Variants in TFDP1 observed in about 807,000 individuals in gnomAD.
TFDP1 encodes transcription factor Dp-1.
A neutral mutation model predicts 48.0 loss-of-function variants in TFDP1; 6 were observed. That is an observed-to-expected ratio of 0.13 (90% CI 0.07 to 0.25). The LOEUF (loss-of-function observed/expected upper bound fraction) is 0.25, where lower values mean the gene tolerates loss of function less well. Among genes scored for constraint, TFDP1 ranks in the 10% least tolerant of loss-of-function variants. The pLI, the probability that TFDP1 is intolerant of heterozygous loss-of-function variation, is 1.00. For synonymous variants in TFDP1, 201 were observed against 211.6 expected (o/e 0.95, Z 0.44); for missense variants, 335 against 543.0 (o/e 0.62, Z 3.81).
At chr13:113,610,353 C>T (rs573767343) in intron 2 of TFDP1, among the ~76,000 whole-genome samples, 201 of 151,814 alleles carry the variant, frequency 1.3e-3, no homozygotes, top group African/African-American at 4.4e-3. Context: ...GTGCCCCCAC[C>T]GTGTGCTGTA....
At position 113,623,035 on chromosome 13, in the gene TFDP1, C is replaced by A; in HGVS notation, c.80-145C>A. Reference sequence around the variant, plus strand: ...GGAATCAAGCTTCATGGAGGTGTTGCTCTTGAGCCCTGGATTTGAGACAGT... The same window carrying A: ...GGAATCAAGCTTCATGGAGGTGTTGATCTTGAGCCCTGGATTTGAGACAGT... On this transcript the variant is annotated intron_variant, in intron 3 of 11. Transcript: ENST00000375370. This position sits in a 1 kb window ranked among gnomAD's most constrained non-coding sequence, Gnocchi z 5.2. 1 of 720,736 alleles carries A rather than the reference C, an allele frequency of 1.4e-6. No individual in the cohort carries two copies. The highest frequency in any genetic ancestry group is 2.3e-6 in the Non-Finnish European group (1 of 433,602). The allele number at this position is 720,736 out of a possible 1,614,324, so 44.6% of individuals were successfully genotyped here. A position where few individuals can be genotyped will look rare whatever the true frequency, so the allele number is the denominator to read the frequency against.
At chr13:113,635,891 G>T (rs1024883663) in intron 8 of TFDP1, 86 bp from the exon 9 acceptor site, 8 of 1,461,326 alleles carry the variant, frequency 5.5e-6, no homozygotes, top group Non-Finnish European at 4.6e-6. Flanking sequence ...TCACGTGGAC[G>T]CAGGGAGGGC....
chr13:113,608,973 T>TA (rs1222750622), intron 2 of TFDP1, among the ~76,000 whole-genome samples: 4 of 152,232 alleles, frequency 2.6e-5, no homozygotes, highest in Admixed American at 6.5e-5. Context: ...CCAGGACATC[T>TA]AGCGTCTCAC....
At chr13:113,635,181 C>A (rs2049452085) in intron 8 of TFDP1, among the ~76,000 whole-genome samples, 1 of 152,200 alleles carries the variant, frequency 6.6e-6, no homozygotes, top group Non-Finnish European at 1.5e-5. Context: ...GGCGGCACCA[C>A]TGGGGGCCCC....
chr13:113,637,583 G>A (rs1293815120), intron 10 of TFDP1: 1 of 1,515,208 alleles, frequency 6.6e-7, no homozygotes, highest in Non-Finnish European at 8.8e-7. Flanking sequence ...GTCAGTGTGT[G>A]CAGGTATTTA....
chr13:113,631,380 T>C (rs192239871), intron 4 of TFDP1, among the ~76,000 whole-genome samples: 35 of 152,266 alleles, frequency 2.3e-4, no homozygotes, highest in Admixed American at 2.3e-3. Flanking sequence ...TTGTTGCTTT[T>C]GTCTAATTGG....
chr13:113,595,910 G>A (rs183370351), intron 2 of TFDP1, among the ~76,000 whole-genome samples: 119 of 152,260 alleles, frequency 7.8e-4, no homozygotes, highest in African/African-American at 2.1e-3. Flanking sequence ...GTGAAACCCC[G>A]TCTCTACTAA....
intron 4 of TFDP1, among the ~76,000 whole-genome samples, chr13:113,625,360 T>C (rs77094379): frequency 4.2e-4 from 44 of 105,568 alleles, no homozygotes; most frequent in African/African-American, 1.6e-3. Flanking sequence ...GTCTCTCACG[T>C]GTCCTCAGGC....
chr13:113,602,983 A>AC (rs2048477052), intron 2 of TFDP1, among the ~76,000 whole-genome samples: 20 of 138,712 alleles, frequency 1.4e-4, no homozygotes, highest in Admixed American at 1.3e-3. Context: ...AAAAAAAAAA[A>AC]AAACGTATAA....
intron 2 of TFDP1, among the ~76,000 whole-genome samples, chr13:113,587,486 T>G (rs1396700313): frequency 2.7e-5 from 4 of 145,964 alleles, no homozygotes; most frequent in Non-Finnish European, 4.5e-5. Context: ...CTAGCTCTTT[T>G]TTTTTTTTTT....
rs540292263 is a variant in TFDP1, at chr13:113,609,166, G to A, written c.13-1830G>A. On this transcript the variant is annotated intron_variant, in intron 2 of 11. Coordinates refer to ENST00000375370, the MANE Select transcript of TFDP1 (RefSeq NM_007111.5). ...CAGAGCGCCTCCTGGGTGCAGTCAGGTTCTTGCTCCACGGCTCTTTTCCTT... is the reference window on the plus strand; with the variant it reads ...CAGAGCGCCTCCTGGGTGCAGTCAGATTCTTGCTCCACGGCTCTTTTCCTT... Among the ~76,000 whole-genome samples the A allele has an allele frequency of 4.6e-5, 7 of 152,354 alleles. No homozygotes were observed. In the East Asian group the frequency reaches 1.4e-3, roughly 29 times the overall value.
intron 2 of TFDP1, among the ~76,000 whole-genome samples, chr13:113,597,687 G>A (rs9577581): frequency 0.18 from 27,642 of 152,166 alleles, 3,549 homozygotes; most frequent in East Asian, 0.42. Flanking sequence ...AGGCTTTGAC[G>A]AAATTAGGAG....
At position 113,633,331 on chromosome 13, in the gene TFDP1, C is replaced by T. The variant is rs746503432; in HGVS notation, c.474+46C>T. 11 of 1,452,344 alleles carry T rather than the reference C, an allele frequency of 7.6e-6. No individual in the cohort carries two copies. Among genetic ancestry groups the T allele is most frequent in the Non-Finnish European group, 1.1e-5 (11 of 1,047,490 alleles). 90.0% of individuals were successfully genotyped at this position (1,452,344 alleles called of 1,614,324 possible). On this transcript the variant is annotated intron_variant, in intron 6 of 11. Transcript: ENST00000375370. The surrounding 1 kb of genome is among the most constrained non-coding windows in gnomAD (Gnocchi z 4.5). ...GAGAGGCTGGGGTGGCGGAGCCCAG[C>T]GGTGTGGTACGTTTCGCTCTTTTAA... is the stretch of plus-strand genomic sequence containing the variant.
At chr13:113,592,740 G>A (rs891400825) in intron 2 of TFDP1, among the ~76,000 whole-genome samples, 1 of 152,238 alleles carries the variant, frequency 6.6e-6, no homozygotes, top group Non-Finnish European at 1.5e-5. Flanking sequence ...CTCCTGCCCA[G>A]GTGACAGGTG....
At chr13:113,589,721 G>A (rs980680748) in intron 2 of TFDP1, among the ~76,000 whole-genome samples, 4 of 152,192 alleles carry the variant, frequency 2.6e-5, no homozygotes, top group Non-Finnish European at 5.9e-5. Flanking sequence ...CCTTAGAGTC[G>A]GACAGACCCT....
intron 2 of TFDP1, among the ~76,000 whole-genome samples, chr13:113,603,230 G>C (rs1182291423): frequency 3.3e-5 from 5 of 152,216 alleles, no homozygotes; most frequent in African/African-American, 1.2e-4. Flanking sequence ...ACCCCCTCAT[G>C]GGCCTTCGAG....
chr13:113,611,590 C>T (rs1286658845), intron 3 of TFDP1, among the ~76,000 whole-genome samples: 1 of 152,024 alleles, frequency 6.6e-6, no homozygotes, highest in Admixed American at 6.6e-5. Flanking sequence ...GCCACCTCTT[C>T]CAGGGTCCCA....
chr13:113,590,700 G>T lies in TFDP1; in HGVS notation c.12+4851G>T, dbSNP rs2048117983. On this transcript the variant is annotated intron_variant, in intron 2 of 11. Coordinates refer to ENST00000375370, the MANE Select transcript of TFDP1 (RefSeq NM_007111.5). The stretch of plus-strand genomic sequence containing the variant: ...GATGAGGTTAGAGAAACTCTGAAGG[G>T]ATATTAAAAATTAGAAAATTATAGG... Among the ~76,000 whole-genome samples the T allele has an allele frequency of 2.0e-5, 3 of 152,142 alleles. No individual in the cohort carries two copies. In the South Asian group the frequency reaches 6.2e-4, roughly 32 times the overall value.
chr13:113,615,025 AACTG>A (rs1449869687), intron 3 of TFDP1, among the ~76,000 whole-genome samples: 6 of 152,098 alleles, frequency 3.9e-5, no homozygotes, highest in Non-Finnish European at 8.8e-5. Context: ...TGACACGTAA[AACTG>A]ACTGTCACAC....
Sources: gnomAD v4.1 joint callset for allele counts (sites outside exome capture counted in the v4.1 genomes callset) on GRCh38, gnomAD v4.1.1 for gene constraint, Gnocchi (gnomAD v3.1) non-coding constraint, MANE v1.5 for transcripts, NCBI Gene and HGNC (gene_info 2026-07-23, HGNC 2026-07-21) for gene names.